ODAD2: variants seen among roughly 807,000 people sequenced by gnomAD.
ODAD2 encodes outer dynein arm docking complex subunit 2.
In ODAD2, 89 loss-of-function variants were observed where a neutral mutation model predicts 106.8. That is an observed-to-expected ratio of 0.83 (90% CI 0.70 to 0.99). The LOEUF is 0.99. ODAD2 is among the 50% of genes least tolerant of loss of function. The pLI is 0.00. For synonymous variants in ODAD2, 404 were observed against 436.2 expected (o/e 0.93, Z 0.92); for missense variants, 1,168 against 1,238.5 (o/e 0.94, Z 0.85).
rs186074920 is a variant in ODAD2 at position 27,822,549 on chromosome 10, T to A, written c.3022-9924A>T. Among the ~76,000 whole-genome samples the A allele has an allele frequency of 3.2e-3, 480 of 152,330 alleles. 2 individuals are homozygous for A. Among genetic ancestry groups the A allele is most frequent in the Non-Finnish European group, 3.6e-3 (245 of 68,020 alleles). ...CTTTGGACTGTGTCCGCCTATGGAATGGCTTCCCAACTATTTGAGTTGGCT... is the reference window on the plus strand; with the variant it reads ...CTTTGGACTGTGTCCGCCTATGGAAAGGCTTCCCAACTATTTGAGTTGGCT... On this transcript the variant is annotated intron_variant, in intron 19 of 19. Transcript: ENST00000305242.
Position 27,817,057 on chromosome 10 carries a change from C to T in ODAD2, c.3022-4432G>A, listed in dbSNP as rs528361377. On this transcript the variant is annotated intron_variant, in intron 19 of 19. Transcript: ENST00000305242. ...GAGCCACCGTGCCCGGCCTGTTATG[C>T]AGTTTTATACATACACACAGATGTA... Among the ~76,000 whole-genome samples the T allele has an allele frequency of 6.5e-4, 99 of 152,236 alleles. No homozygotes were observed. In the Middle Eastern group the frequency reaches 0.014, roughly 21 times the overall value.
In ODAD2 at chr10:27,985,065, G is replaced by C. The variant is rs569047328; in HGVS notation, c.529C>G (p.Gln177Glu). 2.4e-5 allele frequency: 38 copies of C among 1,608,996 alleles called. 1 individual carries two copies. The East Asian group carries it at 8.3e-4, about 35-fold the overall frequency. ...IKMKIAMLLK[Q>E]LDLHLLNHSL... is the part of the protein sequence containing the mutation. The stretch of plus-strand genomic sequence containing the variant: ...TGATTGAGGAGGTGCAGATCCAATT[G>C]CTTAAGCAGCATAGCAATCTTCATC... The change falls in exon 4 of 20, where the codon CAA becomes GAA. Residue 177 changes from glutamine (Q) to glutamate (E), a missense_variant. Physicochemically the swap from Gln to Glu is conservative, Grantham distance 29. Transcript: ENST00000305242.
At chr10:27,971,546 T>C (rs1848864280) in intron 7 of ODAD2, among the ~76,000 whole-genome samples, 2 of 152,142 alleles carry the variant, frequency 1.3e-5, no homozygotes, top group South Asian at 4.1e-4. Context: ...CAGATACAAC[T>C]GCAAGGCTGG....
At chr10:27,853,395 A>AAAT (rs766142892) in intron 19 of ODAD2, 23 of 167,570 alleles carry the variant, frequency 1.4e-4, no homozygotes, top group Non-Finnish European at 4.9e-5. Context: ...AATAAATAAA[A>AAAT]GTAAGCCCTA....
rs749047461 is a variant in ODAD2 at position 27,985,069 on chromosome 10, A to C, written c.525T>G (p.Leu175=). Residue 175 remains leucine (L), a synonymous_variant, in exon 4 of 20, where the codon CTT becomes CTG. Transcript: ENST00000305242. ...SEIKMKIAML[L]KQLDLHLLNH... is the part of the protein sequence containing the mutation. Reference sequence around the variant, plus strand: ...TGAGGAGGTGCAGATCCAATTGCTTAAGCAGCATAGCAATCTTCATCTTAA... The same window carrying C: ...TGAGGAGGTGCAGATCCAATTGCTTCAGCAGCATAGCAATCTTCATCTTAA... 1.2e-5 allele frequency: 20 copies of C among 1,609,182 alleles called. No individual in the cohort carries two copies. The highest frequency in any genetic ancestry group is 2.7e-5 in the African/African-American group (2 of 74,802).
chr10:27,874,985 G>A (rs972674759), intron 17 of ODAD2, among the ~76,000 whole-genome samples: 1 of 152,110 alleles, frequency 6.6e-6, no homozygotes, highest in African/African-American at 2.4e-5. Context: ...ATCACTTCCA[G>A]GTACACCAAT....
intron 19 of ODAD2, among the ~76,000 whole-genome samples, chr10:27,842,793 A>T (rs1433670681): frequency 2.0e-5 from 3 of 152,214 alleles, no homozygotes; most frequent in African/African-American, 7.2e-5. Flanking sequence ...TCTGGCATGA[A>T]ATCAATGGAG....
At chr10:27,985,741 T>C (rs1254475127) in intron 3 of ODAD2, among the ~76,000 whole-genome samples, 1 of 151,712 alleles carries the variant, frequency 6.6e-6, no homozygotes, top group Non-Finnish European at 1.5e-5. Flanking sequence ...CAATGCCATA[T>C]GATCTTAGAG....
intron 19 of ODAD2, among the ~76,000 whole-genome samples, chr10:27,830,429 T>C (rs1287004206): frequency 6.6e-5 from 10 of 152,226 alleles, no homozygotes; most frequent in Admixed American, 3.9e-4. Flanking sequence ...TTTAAACACA[T>C]GCCTACCGAG....
chr10:27,856,862 G>C (rs1379064323), intron 19 of ODAD2, among the ~76,000 whole-genome samples: 1 of 152,140 alleles, frequency 6.6e-6, no homozygotes, highest in Non-Finnish European at 1.5e-5. Flanking sequence ...AGCTACTCAG[G>C]AGGCTGAGGC....
chr10:27,882,408 G>A (rs1421318242), intron 17 of ODAD2, among the ~76,000 whole-genome samples: 1 of 152,002 alleles, frequency 6.6e-6, no homozygotes, highest in Non-Finnish European at 1.5e-5. Flanking sequence ...TTATAGCATA[G>A]TGTCAACAAG....
At chr10:27,986,914 G>C (rs1413317724) in intron 3 of ODAD2, among the ~76,000 whole-genome samples, 4 of 152,254 alleles carry the variant, frequency 2.6e-5, no homozygotes, top group African/African-American at 7.2e-5. Context: ...AGTGGAAAGG[G>C]AGACTATTAA....
At chr10:27,841,152 A>G (rs1210687375) in intron 19 of ODAD2, among the ~76,000 whole-genome samples, 1 of 152,182 alleles carries the variant, frequency 6.6e-6, no homozygotes, top group African/African-American at 2.4e-5. Flanking sequence ...ATAATTATTC[A>G]CTTAATGGGT....
chr10:27,867,962 A>T (rs1314117407), intron 17 of ODAD2, among the ~76,000 whole-genome samples: 1 of 152,108 alleles, frequency 6.6e-6, no homozygotes, highest in Non-Finnish European at 1.5e-5. Context: ...AAGAAAAAAA[A>T]AAAGCAGTAT....
intron 16 of ODAD2, among the ~76,000 whole-genome samples, chr10:27,920,870 A>C (rs1223822732): frequency 1.3e-5 from 2 of 152,042 alleles, no homozygotes; most frequent in Non-Finnish European, 2.9e-5. Flanking sequence ...TGAAAAAAAA[A>C]AACTATGTAA....
chr10:27,970,607 G>A (rs1848780821), intron 8 of ODAD2, among the ~76,000 whole-genome samples: 1 of 152,146 alleles, frequency 6.6e-6, no homozygotes, highest in Non-Finnish European at 1.5e-5. Flanking sequence ...AAGAGGAGCA[G>A]AAAGGAATCA....
chr10:27,929,758 C>A (rs993631620), intron 16 of ODAD2, among the ~76,000 whole-genome samples: 1 of 152,142 alleles, frequency 6.6e-6, no homozygotes, highest in Non-Finnish European at 1.5e-5. Flanking sequence ...TGGCTTGTGT[C>A]ATTAAAAGAA....
intron 10 of ODAD2, among the ~76,000 whole-genome samples, chr10:27,945,324 C>T (rs1846823109): frequency 6.6e-6 from 1 of 152,126 alleles, no homozygotes; most frequent in Admixed American, 6.5e-5. Context: ...ATGCAAAGCA[C>T]GTCTGAAAAT....
intron 14 of ODAD2, among the ~76,000 whole-genome samples, chr10:27,938,925 C>G (rs912158047): frequency 6.6e-6 from 1 of 152,082 alleles, no homozygotes; most frequent in African/African-American, 2.4e-5. Context: ...GGCATACTCT[C>G]TTGATGCTGC....
Sources: allele counts gnomAD v4.1 joint callset (sites outside exome capture counted in the v4.1 genomes callset), GRCh38; gene constraint gnomAD v4.1.1; transcripts MANE v1.5; gene names NCBI Gene and HGNC (gene_info 2026-07-23, HGNC 2026-07-21).